The following USP32 variants were observed in gnomAD, a reference collection of about 807,000 sequenced individuals.
USP32 encodes ubiquitin carboxyl-terminal hydrolase 32.
A neutral mutation model predicts 204.8 loss-of-function variants in USP32; 59 were observed. The observed-to-expected ratio is 0.29, with a 90% CI of 0.23 to 0.36. The LOEUF is 0.36. Ranked by LOEUF, USP32 falls within the 10% of genes least tolerant of loss-of-function variation. The pLI is 1.00. For synonymous variants in USP32, 517 were observed against 678.4 expected, an observed-to-expected ratio of 0.76 and a Z score of 3.70; for missense variants, 1,160 against 1,946.4, an observed-to-expected ratio of 0.60 and a Z score of 7.60.
intron 33 of USP32, among the ~76,000 whole-genome samples, chr17:60,179,796 G>A (rs750164726): frequency 5.9e-5 from 9 of 151,920 alleles, no homozygotes; most frequent in East Asian, 1.9e-4. Flanking sequence ...TCAGCCTCCC[G>A]AGTAGCTGGG....
chr17:60,345,798 G>A (rs978549792), intron 1 of USP32, among the ~76,000 whole-genome samples, 190 bp from the exon 2 acceptor site: 2 of 152,040 alleles, frequency 1.3e-5, no homozygotes, highest in African/African-American at 4.8e-5. Context: ...CCTGGACAAT[G>A]TGGCGAAACC....
intron 18 of USP32, 124 bp from the exon 19 acceptor site, chr17:60,212,222 T>C: frequency 1.3e-6 from 1 of 797,134 alleles, no homozygotes; most frequent in Non-Finnish European, 2.0e-6. Context: ...TTAATTTTAG[T>C]ACATACATTG....
Position 60,237,242 on chromosome 17 carries a change from G to T in USP32, c.1137-1002C>A, listed in dbSNP as rs1466122883. Among the ~76,000 whole-genome samples the T allele has an allele frequency of 2.0e-5, 3 of 151,540 alleles. No homozygotes were observed. The East Asian group carries it at 5.8e-4, about 29-fold the overall frequency. The stretch of plus-strand genomic sequence containing the variant: ...TGAAGCCTTGACCTCCTGGGCTCAA[G>T]CAATCCTCCTGCCTCAGCCTCACAA... On this transcript the variant is annotated intron_variant, in intron 11 of 33. Transcript: ENST00000300896.
chr17:60,266,513 G>C (rs1461869943), intron 7 of USP32, among the ~76,000 whole-genome samples: 2 of 152,148 alleles, frequency 1.3e-5, no homozygotes, highest in Non-Finnish European at 2.9e-5. Context: ...GTTGGAGATG[G>C]AGTCTCGCTC....
At chr17:60,418,009 AGT>A (rs2090075746) in intron 1 of USP32, among the ~76,000 whole-genome samples, 1 of 146,652 alleles carries the variant, frequency 6.8e-6, no homozygotes, top group Admixed American at 6.9e-5. Flanking sequence ...CCCAGGCTGG[AGT>A]GCAATGGCAC....
intron 1 of USP32, among the ~76,000 whole-genome samples, chr17:60,402,613 G>A (rs2089944841): frequency 6.6e-6 from 1 of 152,200 alleles, no homozygotes; most frequent in African/African-American, 2.4e-5. Flanking sequence ...AGCACAGTAT[G>A]CATTACTTTG....
chr17:60,376,196 C>A (rs2089537637), intron 1 of USP32, among the ~76,000 whole-genome samples: 1 of 151,894 alleles, frequency 6.6e-6, no homozygotes, highest in Non-Finnish European at 1.5e-5. Context: ...CAAATGCGAG[C>A]CACTGAGCCC....
intron 32 of USP32, 26 bp downstream of exon 32, chr17:60,181,298 T>G: frequency 6.3e-7 from 1 of 1,588,510 alleles, no homozygotes; most frequent in South Asian, 1.1e-5. Flanking sequence ...GACCACTCTC[T>G]GAAAACCATA....
chr17:60,195,482 C>A (rs2084490617), intron 27 of USP32, among the ~76,000 whole-genome samples: 1 of 152,146 alleles, frequency 6.6e-6, no homozygotes, highest in Admixed American at 6.6e-5. Context: ...GGATTACAGG[C>A]ACGTACCACC....
intron 1 of USP32, among the ~76,000 whole-genome samples, chr17:60,355,546 C>T (rs1164254239): frequency 6.6e-6 from 1 of 151,936 alleles, no homozygotes; most frequent in Non-Finnish European, 1.5e-5. Context: ...TGCAATAATC[C>T]AAAGAGCTTT....
upstream of USP32, among the ~76,000 whole-genome samples, chr17:60,394,889 G>A (rs112369454): frequency 1.3e-5 from 2 of 151,942 alleles, no homozygotes; most frequent in Non-Finnish European, 1.5e-5. Flanking sequence ...GATTATAGGC[G>A]CACACCATCC....
chr17:60,230,577 C>A (rs1268886313), intron 12 of USP32, among the ~76,000 whole-genome samples: 1 of 152,162 alleles, frequency 6.6e-6, no homozygotes, highest in Non-Finnish European at 1.5e-5. Flanking sequence ...AGAATATGGG[C>A]TTTTCTTTGC....
In USP32 at chr17:60,238,998, G is replaced by A. The variant is rs1201563986; in HGVS notation, c.1137-2758C>T. 2.0e-5 allele frequency among the ~76,000 whole-genome samples: 3 copies of A among 152,116 alleles called. No individual in the cohort carries two copies. In the East Asian group the frequency reaches 5.8e-4, roughly 29 times the overall value. On this transcript the variant is annotated intron_variant, in intron 11 of 33. Coordinates refer to ENST00000300896, the MANE Select transcript of USP32 (RefSeq NM_032582.4). ...AAACGAAAACCTTTCAAATTTTGATGAAATGCAGTAGTTTTTCTTTGGTTG... is the reference window on the plus strand; with the variant it reads ...AAACGAAAACCTTTCAAATTTTGATAAAATGCAGTAGTTTTTCTTTGGTTG...
In USP32 at chr17:60,324,528, T is replaced by C. The variant is rs146180377; in HGVS notation, c.186+20953A>G. 0.014 allele frequency among the ~76,000 whole-genome samples: 2,070 copies of C among 152,138 alleles called. 150 individuals carry two copies. In the East Asian group the frequency reaches 0.21, roughly 15 times the overall value. On this transcript the variant is annotated intron_variant, in intron 2 of 33. Coordinates refer to ENST00000300896, the MANE Select transcript of USP32 (RefSeq NM_032582.4). ...TTTTCCCATTGTTATTAATGGTAATTAACAACATGTAAATGGTATGGTTAA... is the reference window on the plus strand; with the variant it reads ...TTTTCCCATTGTTATTAATGGTAATCAACAACATGTAAATGGTATGGTTAA...
At position 60,298,772 on chromosome 17, in the gene USP32, C is replaced by T. The variant is rs139735771; in HGVS notation, c.292+2827G>A. 1.6e-3 allele frequency among the ~76,000 whole-genome samples: 247 copies of T among 152,252 alleles called. 1 individual carries two copies. The highest frequency in any genetic ancestry group is 5.3e-3 in the African/African-American group (222 of 41,526). On this transcript the variant is annotated intron_variant, in intron 3 of 33. Transcript: ENST00000300896. Reference sequence around the variant, plus strand: ...ATACATAAAACTGGGTTTATGGATACATTCATTATCTTGATTATGGTAATG... The same window carrying T: ...ATACATAAAACTGGGTTTATGGATATATTCATTATCTTGATTATGGTAATG...
chr17:60,212,616 C>T lies in USP32; in HGVS notation c.2105-518G>A, dbSNP rs1340175021. 4.0e-5 allele frequency among the ~76,000 whole-genome samples: 6 copies of T among 151,818 alleles called. No homozygotes were observed. In the East Asian group the frequency reaches 1.2e-3, roughly 29 times the overall value. ...TCACTTGGTTTGAATAATCTTATCCCTCAATTACCTACTTGAAGTAAAATT... is the reference window on the plus strand; with the variant it reads ...TCACTTGGTTTGAATAATCTTATCCTTCAATTACCTACTTGAAGTAAAATT... On this transcript the variant is annotated intron_variant, in intron 18 of 33. Transcript: ENST00000300896.
At chr17:60,353,713 C>G (rs1360485024) in intron 1 of USP32, among the ~76,000 whole-genome samples, 1 of 152,004 alleles carries the variant, frequency 6.6e-6, no homozygotes, top group African/African-American at 2.4e-5. Flanking sequence ...TGCACCCCAG[C>G]CTGGGAGACA....
chr17:60,284,301 C>T (rs1204192846), intron 5 of USP32, among the ~76,000 whole-genome samples: 2 of 151,362 alleles, frequency 1.3e-5, no homozygotes, highest in East Asian at 1.9e-4. Flanking sequence ...GCAACCCCCG[C>T]CTCCCAGGTT....
chr17:60,239,733 C>A (rs186916112), intron 11 of USP32, among the ~76,000 whole-genome samples: 1 of 151,472 alleles, frequency 6.6e-6, no homozygotes, highest in Admixed American at 6.6e-5. Flanking sequence ...TTATTTATTT[C>A]TTTATTTATT....
Sources: gnomAD v4.1 joint callset for allele counts (sites outside exome capture counted in the v4.1 genomes callset) on GRCh38, gnomAD v4.1.1 for gene constraint, MANE v1.5 for transcripts, NCBI Gene and HGNC (gene_info 2026-07-23, HGNC 2026-07-21) for gene names.